The following TENM1 variants were observed in gnomAD, a reference collection of about 807,000 sequenced individuals.
The protein encoded by TENM1 is teneurin-1.
In TENM1, 35 loss-of-function variants were observed where a neutral mutation model predicts 174.8. The ratio of observed to expected loss-of-function variants is 0.20; its 90% CI spans 0.15 to 0.27. The LOEUF (loss-of-function observed/expected upper bound fraction) is 0.27, where lower values mean the gene tolerates loss of function less well. Among genes scored for constraint, TENM1 ranks in the 10% least tolerant of loss-of-function variants. TENM1 has a pLI of 1.00. For missense variants in TENM1, 1,633 were observed against 2,130.1 expected (o/e 0.77, Z 4.59); for synonymous variants, 781 against 798.7 (o/e 0.98, Z 0.37).
intron 1 of TENM1, among the ~76,000 whole-genome samples, chrX:124,940,424 T>G (rs970558814): frequency 8.9e-6 from 1 of 112,032 alleles, no homozygotes; most frequent in Middle Eastern, 4.2e-3. Context: ...ATTTGATTCA[T>G]TAGCTCCAGT....
intron 14 of TENM1, among the ~76,000 whole-genome samples, chrX:124,560,522 T>C (rs1157476095): frequency 2.7e-5 from 3 of 111,302 alleles, no homozygotes; most frequent in Non-Finnish European, 5.7e-5. Flanking sequence ...CCAGAGCTAG[T>C]ATCTGAATCC....
chrX:124,796,416 G>A (rs1375780852), intron 3 of TENM1, among the ~76,000 whole-genome samples: 2 of 111,606 alleles, frequency 1.8e-5, no homozygotes, highest in African/African-American at 6.5e-5. Context: ...GCACTACATT[G>A]CTTTTCCACC....
intron 6 of TENM1, among the ~76,000 whole-genome samples, chrX:124,665,176 A>G (rs191571264): frequency 1.8e-5 from 2 of 111,364 alleles, no homozygotes; most frequent in Admixed American, 9.5e-5. Context: ...TGTCTCCATT[A>G]AAAAAATTAC....
chrX:124,722,146 G>T (rs1055579674), intron 4 of TENM1, among the ~76,000 whole-genome samples: 4 of 112,147 alleles, frequency 3.6e-5, no homozygotes, highest in African/African-American at 1.3e-4. Flanking sequence ...TGAAAGGTGA[G>T]AAAAATATCA....
exon 29 of TENM1, chrX:124,385,708 T>G: frequency 9.2e-6 from 11 of 1,200,614 alleles, no homozygotes; most frequent in Non-Finnish European, 1.2e-5. Flanking sequence ...TGCAGATGAA[T>G]CCGTCATGCA....
the TENM1 span, among the ~76,000 whole-genome samples, chrX:125,046,795 T>G: frequency 4.5e-5 from 5 of 110,228 alleles, no homozygotes; most frequent in Non-Finnish European, 9.5e-5. Context: ...ACAAAAGAAC[T>G]GATAGCAGAT....
Position 124,493,106 on chromosome X carries a change from T to C in TENM1, c.3695+3910A>G, listed in dbSNP as rs994142643. Among the ~76,000 whole-genome samples the C allele has an allele frequency of 4.5e-5, 5 of 111,233 alleles. No homozygotes were observed. The Admixed American group carries it at 4.8e-4, about 11-fold the overall frequency. ...GAGCTGAGACAATGAGAGAAAATAG[T>C]GTCATGGAATAAGAATGAATAGAGG... On this transcript the variant is annotated intron_variant, in intron 20 of 31. Coordinates refer to ENST00000422452, the Ensembl canonical transcript of TENM1.
chrX:124,506,962 C>T (rs1258636852), intron 18 of TENM1, among the ~76,000 whole-genome samples: 4 of 111,784 alleles, frequency 3.6e-5, no homozygotes, highest in African/African-American at 1.3e-4. Context: ...ACTATGACAG[C>T]TGAGCCTCAG....
chrX:124,622,854 T>C (rs890870589), intron 11 of TENM1, among the ~76,000 whole-genome samples: 2 of 111,620 alleles, frequency 1.8e-5, no homozygotes, highest in Non-Finnish European at 3.8e-5. Flanking sequence ...AATTTTACAT[T>C]TTTTCCCAAA....
chrX:124,903,533 GA>G (rs1218123179), intron 1 of TENM1, among the ~76,000 whole-genome samples: 1 of 112,059 alleles, frequency 8.9e-6, no homozygotes, highest in East Asian at 2.8e-4. Flanking sequence ...AGAAGAGGAA[GA>G]AAATTTGATG....
chrX:125,184,126 T>C, the TENM1 span, among the ~76,000 whole-genome samples: 1 of 111,949 alleles, frequency 8.9e-6, no homozygotes, highest in African/African-American at 3.2e-5. Flanking sequence ...AACTAGCTGC[T>C]CTCTGAAACT....
chrX:124,939,995 T>C (rs1603284784), intron 1 of TENM1, among the ~76,000 whole-genome samples: 1 of 112,105 alleles, frequency 8.9e-6, no homozygotes. Context: ...GTAGGGACCA[T>C]GTCTATGTTT....
Position 124,737,213 on chromosome X carries a change from G to A in TENM1, c.536-16C>T. The A allele has an allele frequency of 1.7e-6, 2 of 1,175,598 alleles. No homozygotes were observed. The highest frequency in any genetic ancestry group is 2.3e-6 in the Non-Finnish European group (2 of 877,934). On this transcript the variant is annotated splice_polypyrimidine_tract_variant and intron_variant, in intron 3 of 31. Coordinates refer to ENST00000422452, the Ensembl canonical transcript of TENM1. Reference sequence around the variant, plus strand: ...CTCTGCACATCTAAAGAGGAGAGAAGAGAAACATAAAATAGAGACTTACTC... The same window carrying A: ...CTCTGCACATCTAAAGAGGAGAGAAAAGAAACATAAAATAGAGACTTACTC...
chrX:124,434,605 G>A (rs2060815351), intron 23 of TENM1, among the ~76,000 whole-genome samples: 1 of 112,289 alleles, frequency 8.9e-6, no homozygotes, highest in Non-Finnish European at 1.9e-5. Context: ...TCTCCTCTCT[G>A]AAGCCTCAAT....
At chrX:124,838,722 C>T (rs1301686139) in intron 3 of TENM1, among the ~76,000 whole-genome samples, 3 of 111,038 alleles carry the variant, frequency 2.7e-5, no homozygotes, top group Non-Finnish European at 3.8e-5. Flanking sequence ...CACCAAGTGA[C>T]GTGTTGGTGA....
chrX:124,851,179 A>T (rs1289095236), intron 3 of TENM1, among the ~76,000 whole-genome samples: 1 of 111,489 alleles, frequency 9.0e-6, no homozygotes, highest in East Asian at 2.8e-4. Flanking sequence ...AATCAGTACA[A>T]TATCTAATTT....
chrX:125,062,540 T>A, the TENM1 span, among the ~76,000 whole-genome samples: 3 of 112,025 alleles, frequency 2.7e-5, no homozygotes, highest in Non-Finnish European at 5.6e-5. Context: ...ATTGTTAAAG[T>A]CACTGTTGTA....
In TENM1 at chrX:124,618,617, T is replaced by C. The variant is rs188228882; in HGVS notation, c.2077+23174A>G. Among the ~76,000 whole-genome samples, 49 of 111,802 alleles carry C rather than the reference T, an allele frequency of 4.4e-4. 1 individual carries two copies. The East Asian group carries it at 9.9e-3, about 22-fold the overall frequency. On this transcript the variant is annotated intron_variant, in intron 11 of 31. Transcript: ENST00000422452. ...ATTTTTTCCCATTACATTTTCTGTC[T>C]CCCTCCATAACCCTGTTGCCATCAT...
In TENM1 at chrX:124,510,917, G is replaced by A. The variant is rs142612083; in HGVS notation, c.3302-7214C>T. 7.9e-3 allele frequency among the ~76,000 whole-genome samples: 888 copies of A among 111,725 alleles called. 8 individuals are homozygous for A. The highest frequency in any genetic ancestry group is 0.027 in the African/African-American group (839 of 30,751). Reference sequence around the variant, plus strand: ...CTATTCAATTTTTCAAAACGAAAACGCTGGTTGACTCACCAAATAGATTTC... The same window carrying A: ...CTATTCAATTTTTCAAAACGAAAACACTGGTTGACTCACCAAATAGATTTC... On this transcript the variant is annotated intron_variant, in intron 18 of 31. Transcript: ENST00000422452.
Sources: allele counts gnomAD v4.1 joint callset (sites outside exome capture counted in the v4.1 genomes callset), GRCh38; gene constraint gnomAD v4.1.1; transcripts MANE v1.5; gene names NCBI Gene and HGNC (gene_info 2026-07-23, HGNC 2026-07-21).